The following ABHD17C variants were observed in gnomAD, a reference collection of about 807,000 sequenced individuals.
ABHD17C encodes the protein alpha/beta hydrolase domain-containing protein 17C.
Under a neutral mutation model 27.9 loss-of-function variants are expected in ABHD17C, and 11 were observed. The observed-to-expected ratio is 0.39, with a 90% CI of 0.25 to 0.65. The LOEUF (loss-of-function observed/expected upper bound fraction) is 0.65. ABHD17C is among the 30% of genes least tolerant of loss of function. The pLI, the probability that ABHD17C is intolerant of heterozygous loss-of-function variation, is 0.45. For missense variants in ABHD17C, 280 were observed against 470.2 expected (o/e 0.60, Z 3.74); for synonymous variants, 233 against 209.1 (o/e 1.11, Z -0.98).
intron 1 of ABHD17C, among the ~76,000 whole-genome samples, chr15:80,713,927 CACACACACACACAT>C (rs1294385995): frequency 1.3e-5 from 2 of 150,270 alleles, no homozygotes; most frequent in Admixed American, 6.7e-5. Context: ...CACACACACA[CACACACACACACAT>C]ATATTTATTT....
intron 2 of ABHD17C, among the ~76,000 whole-genome samples, chr15:80,753,348 T>A (rs1235759780): frequency 6.6e-6 from 1 of 152,200 alleles, no homozygotes; most frequent in Non-Finnish European, 1.5e-5. Flanking sequence ...GTTTGGATCC[T>A]GGAACAGGAA....
intron 1 of ABHD17C, among the ~76,000 whole-genome samples, chr15:80,725,513 C>CATTT (rs1166613661): frequency 2.0e-5 from 3 of 151,964 alleles, no homozygotes; most frequent in East Asian, 3.9e-4. Flanking sequence ...TTATGTATTT[C>CATTT]ATTTATTTAT....
chr15:80,707,201 C>T (rs1007237814), intron 1 of ABHD17C, among the ~76,000 whole-genome samples: 2 of 152,152 alleles, frequency 1.3e-5, no homozygotes, highest in Non-Finnish European at 2.9e-5. Flanking sequence ...TATATATCTA[C>T]TTCTTAGGGG....
chr15:80,701,814 A>G (rs1894577119), intron 1 of ABHD17C, among the ~76,000 whole-genome samples: 1 of 152,236 alleles, frequency 6.6e-6, no homozygotes, highest in South Asian at 2.1e-4. Flanking sequence ...GTAACTCTTA[A>G]GAACAGACCT....
intron 1 of ABHD17C, among the ~76,000 whole-genome samples, chr15:80,736,782 C>A (rs1444617592): frequency 1.3e-5 from 2 of 152,114 alleles, no homozygotes; most frequent in East Asian, 3.9e-4. Flanking sequence ...AAGTCAAGGC[C>A]CATTAACTTA....
rs145843439 is a variant in ABHD17C at position 80,727,159 on chromosome 15, G to C, written c.591-22354G>C. Among the ~76,000 whole-genome samples, 789 of 152,322 alleles carry C rather than the reference G, an allele frequency of 5.2e-3. 4 individuals carry two copies. The highest frequency in any genetic ancestry group is 0.027 in the Middle Eastern group (8 of 294). ...TGAATTCTTAAGGAGACCTGACCTT[G>C]ATGTCTTTTCCGTGCCCTTGAACAG... On this transcript the variant is annotated intron_variant, in intron 1 of 2. Coordinates refer to ENST00000258884, the MANE Select transcript of ABHD17C (RefSeq NM_021214.2).
chr15:80,722,829 T>C (rs1894916781), intron 1 of ABHD17C, among the ~76,000 whole-genome samples: 1 of 152,208 alleles, frequency 6.6e-6, no homozygotes, highest in Non-Finnish European at 1.5e-5. Context: ...TCTTTCTGTG[T>C]CTGGCTTATT....
At chr15:80,744,073 G>C (rs1483988506) in intron 1 of ABHD17C, among the ~76,000 whole-genome samples, 1 of 152,106 alleles carries the variant, frequency 6.6e-6, no homozygotes, top group African/African-American at 2.4e-5. Flanking sequence ...ACTGACCTAT[G>C]TTTCACACAA....
Position 80,695,446 on chromosome 15 carries a change from C to T in ABHD17C, c.17C>T (p.Pro6Leu), listed in dbSNP as rs1275487616. 7.3e-7 allele frequency: 1 copy of T among 1,362,620 alleles called. No homozygotes were observed. Among genetic ancestry groups the T allele is most frequent in the Non-Finnish European group, 9.6e-7 (1 of 1,044,248 alleles). 84.4% of individuals were successfully genotyped at this position (1,362,620 alleles called of 1,614,324 possible). A position where few individuals can be genotyped will look rare whatever the true frequency, so the allele number is the denominator to read the frequency against. Residue 6 changes from proline (P) to leucine (L), a missense_variant, in exon 1 of 3, where the codon CCC becomes CTC. By Grantham distance (98) the Pro-to-Leu change is moderately conservative (BLOSUM62 -3). Transcript: ENST00000258884. The surrounding 1 kb of genome is among the most constrained non-coding windows in gnomAD (Gnocchi z 4.3). MPEPG[P>L]RMNGFSLGEL... ...GCCGTCCCGATGCCCGAGCCAGGCC[C>T]CAGGATGAACGGCTTCTCGCTGGGT...
intron 1 of ABHD17C, among the ~76,000 whole-genome samples, chr15:80,724,668 C>T (rs1292846761): frequency 1.3e-5 from 2 of 152,170 alleles, no homozygotes; most frequent in Admixed American, 6.5e-5. Context: ...GGTGTCTGTA[C>T]TGGGTAGAGT....
intron 1 of ABHD17C, among the ~76,000 whole-genome samples, chr15:80,701,436 T>TG (rs1272508314): frequency 2.6e-5 from 4 of 151,960 alleles, no homozygotes; most frequent in African/African-American, 7.3e-5. Context: ...CCCAGCACTT[T>TG]GGGAGGCTGA....
chr15:80,744,686 A>G (rs1205415396), intron 1 of ABHD17C, among the ~76,000 whole-genome samples: 2 of 152,164 alleles, frequency 1.3e-5, no homozygotes, highest in Non-Finnish European at 2.9e-5. Flanking sequence ...CTTTTTTCCC[A>G]ACAAGTCACT....
At chr15:80,718,338 T>C (rs1218647179) in intron 1 of ABHD17C, among the ~76,000 whole-genome samples, 8 of 152,246 alleles carry the variant, frequency 5.3e-5, no homozygotes, top group Non-Finnish European at 1.0e-4. Context: ...AAATTTTATT[T>C]ATTTATTTTT....
At chr15:80,698,780 T>C (rs1236222238) in intron 1 of ABHD17C, among the ~76,000 whole-genome samples, 1 of 152,230 alleles carries the variant, frequency 6.6e-6, no homozygotes, top group Admixed American at 6.5e-5. Context: ...ATCCCATGTG[T>C]CCATTCTTCT....
chr15:80,725,340 G>C (rs1011567450), intron 1 of ABHD17C, among the ~76,000 whole-genome samples: 5 of 152,182 alleles, frequency 3.3e-5, no homozygotes, highest in Admixed American at 3.3e-4. Flanking sequence ...GGCTGTTGCA[G>C]ACATGGGATA....
chr15:80,741,629 G>T (rs1412974819), intron 1 of ABHD17C, among the ~76,000 whole-genome samples: 4 of 143,974 alleles, frequency 2.8e-5, no homozygotes, highest in East Asian at 2.1e-4. Context: ...AGCCCTGTAC[G>T]TGCAGCAAAA....
intron 1 of ABHD17C, among the ~76,000 whole-genome samples, chr15:80,714,190 G>A (rs982552864): frequency 2.0e-5 from 3 of 152,132 alleles, no homozygotes; most frequent in East Asian, 1.9e-4. Context: ...TTCTGGGCTC[G>A]AGCAGTCTGC....
chr15:80,714,193 C>G (rs1894772334), intron 1 of ABHD17C, among the ~76,000 whole-genome samples: 1 of 152,102 alleles, frequency 6.6e-6, no homozygotes, highest in South Asian at 2.1e-4. Context: ...TGGGCTCGAG[C>G]AGTCTGCTTA....
intron 1 of ABHD17C, among the ~76,000 whole-genome samples, chr15:80,732,442 CT>C (rs1895069719): frequency 6.6e-6 from 1 of 152,192 alleles, no homozygotes. Context: ...TCTCTCAGAG[CT>C]TTAGTTTCCT....
Sources: gnomAD v4.1 joint callset for allele counts (sites outside exome capture counted in the v4.1 genomes callset) on GRCh38, gnomAD v4.1.1 for gene constraint, Gnocchi (gnomAD v3.1) non-coding constraint, MANE v1.5 for transcripts, NCBI Gene and HGNC (gene_info 2026-07-23, HGNC 2026-07-21) for gene names.